ANK2: variants seen among roughly 807,000 people sequenced by gnomAD.
The protein encoded by ANK2 is ankyrin 2.
ANK2 carries 83 observed loss-of-function variants against 360.5 expected under a neutral mutation model. That is an observed-to-expected ratio of 0.23 (90% CI 0.19 to 0.28). The LOEUF is 0.28. Among genes scored for constraint, ANK2 ranks in the 10% least tolerant of loss-of-function variants. ANK2 has a pLI of 1.00. For synonymous variants in ANK2, 1,740 were observed against 1,759.5 expected (o/e 0.99, Z 0.28); for missense variants, 4,201 against 4,795.7 (o/e 0.88, Z 3.66).
intron 29 of ANK2, among the ~76,000 whole-genome samples, chr4:113,335,549 AG>A (rs957779480): frequency 6.6e-6 from 1 of 152,192 alleles, no homozygotes; most frequent in African/African-American, 2.4e-5. Flanking sequence ...CTCATTTCAA[AG>A]GTGGCCCTGC....
intron 24 of ANK2, among the ~76,000 whole-genome samples, chr4:113,312,415 G>T (rs1474924251): frequency 1.3e-5 from 2 of 152,098 alleles, no homozygotes; most frequent in Non-Finnish European, 2.9e-5. Flanking sequence ...TAGAGTCTAA[G>T]AAATAAATAC....
intron 1 of ANK2, chr4:112,827,375 C>T: frequency 7.3e-7 from 1 of 1,362,530 alleles, no homozygotes; most frequent in South Asian, 1.2e-5. Context: ...CATAGAGATG[C>T]TAATCTCACA....
Position 113,125,153 on chromosome 4 carries a change from G to A in ANK2, c.85-49263G>A, listed in dbSNP as rs181286034. Among the ~76,000 whole-genome samples, 79 of 152,052 alleles carry A rather than the reference G, an allele frequency of 5.2e-4. 1 individual carries two copies. The highest frequency in any genetic ancestry group is 1.8e-3 in the African/African-American group (73 of 41,498). On this transcript the variant is annotated intron_variant, in intron 1 of 45. Transcript: ENST00000357077. ...TGTTTATAGTTTGTCTGTAAAAAAA[G>A]CCTTCAATTAAGACTGAAAATGACC...
At chr4:112,812,502 T>G in the ANK2 span, among the ~76,000 whole-genome samples, 1 of 152,146 alleles carries the variant, frequency 6.6e-6, no homozygotes, top group East Asian at 1.9e-4. Context: ...CAGAGATGAT[T>G]AAGGAGACCT....
At chr4:113,142,266 T>C (rs74637905) in intron 1 of ANK2, among the ~76,000 whole-genome samples, 5,551 of 152,288 alleles carry the variant, frequency 0.036, 327 homozygotes, top group African/African-American at 0.12. Context: ...CCCAAGCTTC[T>C]GTGCCAGACC....
chr4:112,890,138 C>G (rs1356594951), intron 1 of ANK2, among the ~76,000 whole-genome samples: 1 of 152,196 alleles, frequency 6.6e-6, no homozygotes, highest in Non-Finnish European at 1.5e-5. Flanking sequence ...CATTCTCTTT[C>G]ACCTCTTTTT....
At chr4:113,184,076 A>ATACT (rs200429483) in intron 2 of ANK2, among the ~76,000 whole-genome samples, 5,158 of 149,510 alleles carry the variant, frequency 0.034, 142 homozygotes, top group Non-Finnish European at 0.054. Flanking sequence ...TGAAGTATGC[A>ATACT]TCACTTGAGT....
At chr4:113,291,655 A>G (rs1158797769) in intron 20 of ANK2, among the ~76,000 whole-genome samples, 1 of 152,196 alleles carries the variant, frequency 6.6e-6, no homozygotes, top group African/African-American at 2.4e-5. Flanking sequence ...TGAAAGGGCC[A>G]CTCAGAACTT....
chr4:113,067,954 C>T (rs1384260296), intron 1 of ANK2, among the ~76,000 whole-genome samples: 2 of 152,174 alleles, frequency 1.3e-5, no homozygotes, highest in Non-Finnish European at 2.9e-5. Context: ...CACACAGTCA[C>T]TATGTTCCCG....
chr4:113,049,318 TAC>T (rs1213150393), upstream of ANK2, among the ~76,000 whole-genome samples: 1 of 152,190 alleles, frequency 6.6e-6, no homozygotes, highest in Non-Finnish European at 1.5e-5. Flanking sequence ...TCTAGAATGT[TAC>T]AGTTTTCTCA....
intron 1 of ANK2, among the ~76,000 whole-genome samples, chr4:112,834,615 G>C (rs556669951): frequency 6.6e-6 from 1 of 151,236 alleles, no homozygotes; most frequent in South Asian, 2.1e-4. Flanking sequence ...ATATTATAAG[G>C]ACTTAAAAAA....
chr4:113,060,187 T>G (rs1222181024), intron 1 of ANK2, among the ~76,000 whole-genome samples: 1 of 152,104 alleles, frequency 6.6e-6, no homozygotes, highest in Non-Finnish European at 1.5e-5. Flanking sequence ...ATCAAACCCG[T>G]TTGAACACAT....
chr4:113,180,418 A>G (rs1308972684), intron 2 of ANK2, among the ~76,000 whole-genome samples: 1 of 152,234 alleles, frequency 6.6e-6, no homozygotes, highest in Admixed American at 6.5e-5. Context: ...AATGATGCTT[A>G]TTATAATAAT....
chr4:113,020,696 T>C (rs1439303146), intron 2 of ANK2, among the ~76,000 whole-genome samples: 2 of 151,904 alleles, frequency 1.3e-5, no homozygotes, highest in Admixed American at 1.3e-4. Flanking sequence ...CATGGTGGCA[T>C]GCACCTGTAA....
At chr4:113,310,967 GT>G (rs2079639758) in intron 23 of ANK2, among the ~76,000 whole-genome samples, 1 of 152,108 alleles carries the variant, frequency 6.6e-6, no homozygotes, top group Non-Finnish European at 1.5e-5. Context: ...CATCTTAGAA[GT>G]TTTTTCTCCT....
intron 1 of ANK2, among the ~76,000 whole-genome samples, chr4:112,832,109 T>G (rs1437843336): frequency 6.6e-6 from 1 of 152,236 alleles, no homozygotes; most frequent in Non-Finnish European, 1.5e-5. Context: ...TGGAGCGCAG[T>G]GCTACAATCT....
At chr4:113,096,190 C>G (rs1227453669) in intron 1 of ANK2, among the ~76,000 whole-genome samples, 1 of 152,150 alleles carries the variant, frequency 6.6e-6, no homozygotes, top group Non-Finnish European at 1.5e-5. Context: ...GCATGGGTCT[C>G]CTTATGAATT....
At chr4:113,349,325 T>C (rs2154002479) in intron 36 of ANK2, among the ~76,000 whole-genome samples, 1 of 152,306 alleles carries the variant, frequency 6.6e-6, no homozygotes, top group Non-Finnish European at 1.5e-5. Context: ...ATGCATATGT[T>C]ATTAGTTATA....
chr4:113,094,334 A>G (rs1309567993), intron 1 of ANK2, among the ~76,000 whole-genome samples: 1 of 152,226 alleles, frequency 6.6e-6, no homozygotes, highest in Non-Finnish European at 1.5e-5. Context: ...GACATTTCTT[A>G]TCAACCTATC....
Sources: allele counts gnomAD v4.1 joint callset (sites outside exome capture counted in the v4.1 genomes callset), GRCh38; gene constraint gnomAD v4.1.1; transcripts MANE v1.5; gene names NCBI Gene and HGNC (gene_info 2026-07-23, HGNC 2026-07-21).